Variants in ABHD3 observed in about 807,000 individuals in gnomAD.
The protein encoded by ABHD3 is phospholipase ABHD3.
ABHD3 carries 46 observed loss-of-function variants against 48.8 expected under a neutral mutation model. The observed-to-expected ratio is 0.94, with a 90% CI of 0.74 to 1.20. ABHD3 has a LOEUF of 1.20. ABHD3 is among the 50% of genes most tolerant of loss of function. The pLI is 0.00. For missense variants in ABHD3, 490 were observed against 497.8 expected, an observed-to-expected ratio of 0.98 and a Z score of 0.15; for synonymous variants, 192 against 183.7, an observed-to-expected ratio of 1.04 and a Z score of -0.36.
At chr18:21,686,842 T>A (rs1407044380) in intron 3 of ABHD3, among the ~76,000 whole-genome samples, 1 of 152,202 alleles carries the variant, frequency 6.6e-6, no homozygotes, top group Non-Finnish European at 1.5e-5. Context: ...ACTCTGACAG[T>A]CATCAGGGAA....
intron 5 of ABHD3, among the ~76,000 whole-genome samples, chr18:21,661,621 A>G (rs1337100180): frequency 2.6e-5 from 4 of 151,696 alleles, no homozygotes; most frequent in South Asian, 4.2e-4. Context: ...ACAATGGGAG[A>G]CTCCATCTCA....
At chr18:21,699,726 G>T (rs1336406901) in intron 3 of ABHD3, among the ~76,000 whole-genome samples, 1 of 152,148 alleles carries the variant, frequency 6.6e-6, no homozygotes, top group Non-Finnish European at 1.5e-5. Flanking sequence ...TGTTGCCCAG[G>T]CTGGAGTGCA....
chr18:21,690,232 G>A (rs998377581), intron 3 of ABHD3, among the ~76,000 whole-genome samples: 3 of 151,792 alleles, frequency 2.0e-5, no homozygotes, highest in Non-Finnish European at 4.4e-5. Flanking sequence ...ATTGCAGCTC[G>A]AACATAGGAT....
In ABHD3 at chr18:21,657,139, A is replaced by T. The variant is rs2039372805; in HGVS notation, c.856T>A (p.Phe286Ile). 6.2e-7 allele frequency: 1 copy of T among 1,609,452 alleles called. No homozygotes were observed. Among genetic ancestry groups the T allele is most frequent in the Non-Finnish European group, 8.5e-7 (1 of 1,177,664 alleles). Residue 286 changes from phenylalanine to isoleucine, a missense_variant, in exon 7 of 9, where the codon TTT (phenylalanine) becomes ATT (isoleucine). Coordinates refer to ENST00000289119, the MANE Select transcript of ABHD3 (RefSeq NM_138340.5). ...TGATCCATATCAACTTGTTTTACAA[A>T]CATATGTCGGTGCCTGGAACAAAAG... ...QSSVNKHRHMFVKQVDMDHVM... is the reference protein window; with the variant it reads ...QSSVNKHRHMIVKQVDMDHVM...
At chr18:21,658,838 GT>G (rs564228924) in intron 6 of ABHD3, among the ~76,000 whole-genome samples, 431 of 136,626 alleles carry the variant, frequency 3.2e-3, no homozygotes, top group African/African-American at 7.4e-3. Flanking sequence ...GGAGACAATA[GT>G]TTTTTTTTTT....
rs778304671 is a variant in ABHD3, at chr18:21,704,577, G to C, written c.89C>G (p.Ser30Trp). The change falls in exon 1 of 9, where the codon TCG becomes TGG. Residue 30 changes from serine to tryptophan, a missense_variant. Transcript: ENST00000289119. The part of the protein sequence containing the change: ...EHQVRVGFFG[S>W]GVGLSLILGF... The stretch of plus-strand genomic sequence containing the variant: ...CAGGATAAGGGATAAGCCCACCCCC[G>C]AGCCGAAGAACCCCACCCGGACTTG... 1 of 1,546,302 alleles carries C rather than the reference G, an allele frequency of 6.5e-7. No individual in the cohort carries two copies. Among genetic ancestry groups the C allele is most frequent in the Non-Finnish European group, 8.7e-7 (1 of 1,149,206 alleles).
chr18:21,683,677 AATATATTATAT>A, intron 4 of ABHD3: 1 of 256,040 alleles, frequency 3.9e-6, no homozygotes, highest in Non-Finnish European at 7.9e-6. Context: ...TAAAAATAGA[AATATATTATAT>A]ATATTTTATT....
intron 1 of ABHD3, among the ~76,000 whole-genome samples, chr18:21,704,078 G>A (rs1049125805): frequency 1.3e-5 from 2 of 152,198 alleles, no homozygotes; most frequent in Non-Finnish European, 2.9e-5. Context: ...ATTGTAACGG[G>A]GTTTCACCAT....
At chr18:21,694,615 C>A (rs1330310083) in intron 3 of ABHD3, among the ~76,000 whole-genome samples, 1 of 152,176 alleles carries the variant, frequency 6.6e-6, no homozygotes, top group Non-Finnish European at 1.5e-5. Flanking sequence ...TCTTAAAACA[C>A]AAGTTTACAA....
chr18:21,691,592 C>T (rs1398658754), intron 3 of ABHD3, among the ~76,000 whole-genome samples: 1 of 152,158 alleles, frequency 6.6e-6, no homozygotes. Context: ...CTATTACATG[C>T]CTAACTCATG....
intron 3 of ABHD3, among the ~76,000 whole-genome samples, chr18:21,696,391 C>T (rs542148408): frequency 1.3e-5 from 2 of 152,236 alleles, no homozygotes; most frequent in African/African-American, 2.4e-5. Context: ...CCTTGTGATC[C>T]GCCTGCCTTG....
At chr18:21,664,316 G>T in intron 4 of ABHD3, 86 bp from the exon 5 acceptor site, 1 of 1,237,228 alleles carries the variant, frequency 8.1e-7, no homozygotes, top group Non-Finnish European at 1.1e-6. Flanking sequence ...GGAGCAAGGA[G>T]TCATACATAT....
intron 4 of ABHD3, chr18:21,683,581 A>G (rs535387090): frequency 2.6e-5 from 13 of 491,430 alleles, no homozygotes; most frequent in African/African-American, 1.4e-4. Context: ...GAGAGGGTAG[A>G]AAAAAAATGA....
At chr18:21,695,209 T>C (rs1371205722) in intron 3 of ABHD3, among the ~76,000 whole-genome samples, 1 of 152,120 alleles carries the variant, frequency 6.6e-6, no homozygotes, top group Non-Finnish European at 1.5e-5. Flanking sequence ...TTTGTATTTT[T>C]AGTAGAGATG....
At chr18:21,682,151 G>A (rs539395416) in intron 4 of ABHD3, 1 of 152,226 alleles carries the variant, frequency 6.6e-6, no homozygotes, top group East Asian at 1.9e-4. Flanking sequence ...AGGAAATGAG[G>A]GATAATGGGG....
At chr18:21,681,632 T>C (rs2040006785) in intron 4 of ABHD3, among the ~76,000 whole-genome samples, 1 of 152,198 alleles carries the variant, frequency 6.6e-6, no homozygotes, top group African/African-American at 2.4e-5. Context: ...AAAATATCAA[T>C]GATTCAATAC....
chr18:21,652,215 G>C (rs1021782088), intron 8 of ABHD3, among the ~76,000 whole-genome samples: 4 of 152,084 alleles, frequency 2.6e-5, no homozygotes, highest in African/African-American at 9.7e-5. Context: ...TGATGTGGCT[G>C]GGCATGGTGG....
At chr18:21,703,878 C>G in intron 1 of ABHD3, 131 bp from the exon 2 acceptor site, 1 of 954,738 alleles carries the variant, frequency 1.0e-6, no homozygotes, top group South Asian at 1.7e-5. Context: ...AGGGCTGACG[C>G]AAAAAATTCA....
chr18:21,659,230 G>A lies in ABHD3; in HGVS notation c.782C>T (p.Pro261Leu), dbSNP rs748734784. The A allele has an allele frequency of 6.2e-7, 1 of 1,613,894 alleles. No individual in the cohort carries two copies. The highest frequency in any genetic ancestry group is 1.1e-5 in the South Asian group (1 of 91,032). The change falls in exon 6 of 9, where the codon CCA (proline) becomes CTA (leucine). Residue 261 changes from proline to leucine, a missense_variant. By Grantham distance (98) the Pro-to-Leu change is moderately conservative (BLOSUM62 -3). Coordinates refer to ENST00000289119, the MANE Select transcript of ABHD3 (RefSeq NM_138340.5). ...GTAATTAAAAAGTAGCCAGTTCAGT[G>A]GTTTTTCCAATGACTCTGAGCAAGC... The part of the protein sequence containing the change: ...TFACSESLEK[P>L]LNWLLFNYYL...
Sources: gnomAD v4.1 joint callset for allele counts (sites outside exome capture counted in the v4.1 genomes callset) on GRCh38, gnomAD v4.1.1 for gene constraint, MANE v1.5 for transcripts, NCBI Gene and HGNC (gene_info 2026-07-23, HGNC 2026-07-21) for gene names.